The following EPB41L4B variants were observed in gnomAD, a reference collection of about 807,000 sequenced individuals.
The protein encoded by EPB41L4B is band 4.1-like protein 4B.
In EPB41L4B, 30 loss-of-function variants were observed where a neutral mutation model predicts 112.5. The observed-to-expected ratio is 0.27, with a 90% confidence interval of 0.20 to 0.36. EPB41L4B has a LOEUF of 0.36. Ranked by LOEUF, EPB41L4B falls within the 10% of genes least tolerant of loss-of-function variation. The pLI, the probability that EPB41L4B is intolerant of heterozygous loss-of-function variation, is 1.00. For missense variants in EPB41L4B, 1,024 were observed against 1,133.3 expected (o/e 0.90, Z 1.38); for synonymous variants, 408 against 439.7 (o/e 0.93, Z 0.90).
intron 19 of EPB41L4B, among the ~76,000 whole-genome samples, chr9:109,202,224 G>A (rs1354516696): frequency 6.6e-6 from 1 of 152,148 alleles, no homozygotes; most frequent in African/African-American, 2.4e-5. Flanking sequence ...GATGAATTAA[G>A]TTTTTGAAAA....
At chr9:109,262,949 C>T (rs973184344) in intron 6 of EPB41L4B, 101 bp downstream of exon 6, 1 of 809,904 alleles carries the variant, frequency 1.2e-6, no homozygotes, top group African/African-American at 1.8e-5. Context: ...TCATTTATAT[C>T]CCCAAAGCTA....
chr9:109,306,725 G>GA (rs2119244626), intron 1 of EPB41L4B, among the ~76,000 whole-genome samples: 1 of 152,326 alleles, frequency 6.6e-6, no homozygotes, highest in South Asian at 2.1e-4. Flanking sequence ...GCTGGACTTT[G>GA]AAAAACTCCC....
At chr9:109,239,318 A>C (rs891889004) in intron 15 of EPB41L4B, among the ~76,000 whole-genome samples, 1 of 152,194 alleles carries the variant, frequency 6.6e-6, no homozygotes, top group African/African-American at 2.4e-5. Flanking sequence ...AGGCAGAAGA[A>C]AAGTTTTGTG....
rs751514697 is a variant in EPB41L4B at position 109,200,275 on chromosome 9, T to C, written c.2006A>G (p.Lys669Arg). 1 of 1,614,160 alleles carries C rather than the reference T, an allele frequency of 6.2e-7. No homozygotes were observed. Among genetic ancestry groups the C allele is most frequent in the South Asian group, 1.1e-5 (1 of 91,076 alleles). ...TGTTAACTTCCTCACTCGGGGAGGCTTGATTTCCGGCTTTTCCACAGCTGG... is the reference window on the plus strand; with the variant it reads ...TGTTAACTTCCTCACTCGGGGAGGCCTGATTTCCGGCTTTTCCACAGCTGG... ...AQPAVEKPEI[K>R]PPRVRKLTRQ... The change falls in exon 20 of 26, where the codon AAG (lysine) becomes AGG (arginine). Residue 669 changes from lysine to arginine, a missense_variant. By Grantham distance (26) the Lys-to-Arg change is conservative. Transcript: ENST00000374566.
chr9:109,275,142 C>T (rs1010878890), intron 2 of EPB41L4B, among the ~76,000 whole-genome samples: 5 of 152,198 alleles, frequency 3.3e-5, no homozygotes, highest in African/African-American at 4.8e-5. Flanking sequence ...GATATCAATA[C>T]GCTTTGACAG....
intron 2 of EPB41L4B, 57 bp downstream of exon 2, chr9:109,279,760 G>C: frequency 7.2e-7 from 1 of 1,391,594 alleles, no homozygotes; most frequent in Non-Finnish European, 1.0e-6. Context: ...AACTGTGGAC[G>C]TGCAATTAGC....
chr9:109,204,066 T>G (rs927207263), intron 18 of EPB41L4B, among the ~76,000 whole-genome samples: 4 of 152,166 alleles, frequency 2.6e-5, no homozygotes, highest in African/African-American at 9.7e-5. Flanking sequence ...CACCTCACAG[T>G]TTGGGTCAGG....
intron 7 of EPB41L4B, among the ~76,000 whole-genome samples, chr9:109,256,920 G>C (rs1835004453): frequency 6.6e-6 from 1 of 152,224 alleles, no homozygotes; most frequent in Non-Finnish European, 1.5e-5. Context: ...TTGCACTCCA[G>C]CCTGGGCAAC....
At position 109,255,954 on chromosome 9, in the gene EPB41L4B, C is replaced by T. The variant is rs979856563; in HGVS notation, c.930-111G>A. On this transcript the variant is annotated intron_variant, in intron 9 of 25. Transcript: ENST00000374566. The stretch of plus-strand genomic sequence containing the variant: ...GCTTAGACTAAAAAAAAAATAAAAA[C>T]ATTCATCCAAGTGTGATTATCCAGA... 15 of 1,256,714 alleles carry T rather than the reference C, an allele frequency of 1.2e-5. No individual in the cohort carries two copies. In the African/African-American group the frequency reaches 2.3e-4, roughly 19 times the overall value. The allele number at this position is 1,256,714 out of a possible 1,614,324, so 77.8% of individuals were successfully genotyped here. A position where few individuals can be genotyped will look rare whatever the true frequency, so the allele number is the denominator to read the frequency against.
chr9:109,284,381 A>C (rs1202270219), intron 1 of EPB41L4B, among the ~76,000 whole-genome samples: 3 of 152,210 alleles, frequency 2.0e-5, no homozygotes, highest in Non-Finnish European at 4.4e-5. Context: ...TATTAGGATG[A>C]AGCATAGAGA....
intron 15 of EPB41L4B, among the ~76,000 whole-genome samples, chr9:109,232,919 T>C (rs1314883272): frequency 6.6e-6 from 1 of 152,250 alleles, no homozygotes; most frequent in Non-Finnish European, 1.5e-5. Context: ...TCCGAAGCTG[T>C]AACACTGATA....
chr9:109,283,014 A>T (rs1357917199), intron 1 of EPB41L4B, among the ~76,000 whole-genome samples: 1 of 152,094 alleles, frequency 6.6e-6, no homozygotes, highest in Non-Finnish European at 1.5e-5. Context: ...AACAAGCAGA[A>T]TATAGGGAAG....
In EPB41L4B at chr9:109,255,765, C is replaced by T. The variant is rs1290274494; in HGVS notation, c.999+9G>A. The T allele has an allele frequency of 1.9e-5, 31 of 1,612,884 alleles. No homozygotes were observed. The highest frequency in any genetic ancestry group is 2.0e-5 in the Non-Finnish European group (24 of 1,179,604). On this transcript the variant is annotated intron_variant, in intron 10 of 25. Coordinates refer to ENST00000374566, the MANE Select transcript of EPB41L4B (RefSeq NM_019114.5). ...ACAGCAAGGGGGAAGAAATGGGAGC[C>T]AGGCCTACCTGATCATCATCCTCGA...
chr9:109,312,299 T>G (rs1342650346), intron 1 of EPB41L4B, among the ~76,000 whole-genome samples: 1 of 152,228 alleles, frequency 6.6e-6, no homozygotes, highest in Non-Finnish European at 1.5e-5. Flanking sequence ...TTTAATGTTG[T>G]TCTACTAAGC....
intron 6 of EPB41L4B, among the ~76,000 whole-genome samples, chr9:109,261,275 C>T (rs1430059573): frequency 6.6e-6 from 1 of 151,688 alleles, no homozygotes; most frequent in African/African-American, 2.4e-5. Flanking sequence ...ACTCTACCAC[C>T]AGTTTAAAGG....
In EPB41L4B at chr9:109,291,727, G is replaced by A. The variant is rs12343900; in HGVS notation, c.307-11806C>T. Among the ~76,000 whole-genome samples, 1,231 of 152,310 alleles carry A rather than the reference G, an allele frequency of 8.1e-3. 21 individuals carry two copies. The highest frequency in any genetic ancestry group is 0.028 in the African/African-American group (1,170 of 41,568). On this transcript the variant is annotated intron_variant, in intron 1 of 25. Coordinates refer to ENST00000374566, the MANE Select transcript of EPB41L4B (RefSeq NM_019114.5). Reference sequence around the variant, plus strand: ...CATCTTGGTGTGCGAGTCCGTGGAAGGAGGCATTGATGATCAGTTCCACGG... The same window carrying A: ...CATCTTGGTGTGCGAGTCCGTGGAAAGAGGCATTGATGATCAGTTCCACGG...
intron 2 of EPB41L4B, among the ~76,000 whole-genome samples, chr9:109,271,298 C>G (rs865820544): frequency 4.7e-4 from 71 of 152,336 alleles, no homozygotes; most frequent in African/African-American, 1.7e-3. Flanking sequence ...AGGATAGATG[C>G]CTATGAAAAG....
chr9:109,295,897 GAGAA>G (rs1160804275), intron 1 of EPB41L4B, among the ~76,000 whole-genome samples: 1 of 151,836 alleles, frequency 6.6e-6, no homozygotes, highest in Non-Finnish European at 1.5e-5. Context: ...ACTACTACAG[GAGAA>G]AGAAAAAGAA....
At chr9:109,217,206 A>G in intron 15 of EPB41L4B, 61 bp from the exon 16 acceptor site, 2 of 1,485,546 alleles carry the variant, frequency 1.3e-6, no homozygotes, top group East Asian at 2.3e-5. Context: ...CCCTCTGTGT[A>G]CTTTCAAAGA....
Sources: gnomAD v4.1 joint callset for allele counts (sites outside exome capture counted in the v4.1 genomes callset) on GRCh38, gnomAD v4.1.1 for gene constraint, MANE v1.5 for transcripts, NCBI Gene and HGNC (gene_info 2026-07-23, HGNC 2026-07-21) for gene names.